The following ENAH variants were observed in gnomAD, a reference collection of about 807,000 sequenced individuals.
ENAH encodes the protein ENAH actin regulator, also known as protein enabled homolog.
Under a neutral mutation model 78.7 loss-of-function variants are expected in ENAH, and 23 were observed. The ratio of observed to expected loss-of-function variants is 0.29; its 90% CI spans 0.21 to 0.41. ENAH has a LOEUF of 0.41. Ranked by LOEUF, ENAH falls within the 10% of genes least tolerant of loss-of-function variation. The pLI is 1.00. For missense variants in ENAH, 544 were observed against 691.0 expected (o/e 0.79, Z 2.39); for synonymous variants, 226 against 241.0 (o/e 0.94, Z 0.58).
intron 1 of ENAH, among the ~76,000 whole-genome samples, chr1:225,570,321 G>A (rs1037926720): frequency 6.6e-6 from 1 of 152,138 alleles, no homozygotes; most frequent in South Asian, 2.1e-4. Flanking sequence ...CTTCTCACTA[G>A]AGACATCCTG....
chr1:225,583,533 G>T (rs991946052), intron 1 of ENAH, among the ~76,000 whole-genome samples: 1 of 151,668 alleles, frequency 6.6e-6, no homozygotes. Context: ...GCATTAGGCT[G>T]GGCGCAGTGG....
At chr1:225,548,422 A>G (rs1325416249) in intron 3 of ENAH, among the ~76,000 whole-genome samples, 2 of 152,238 alleles carry the variant, frequency 1.3e-5, no homozygotes, top group African/African-American at 4.8e-5. Flanking sequence ...AAATCACAAT[A>G]AAGACCTTAA....
intron 1 of ENAH, among the ~76,000 whole-genome samples, chr1:225,630,415 C>G (rs79870630): frequency 0.043 from 6,477 of 152,158 alleles, 222 homozygotes; most frequent in South Asian, 0.1. Flanking sequence ...TCATTTGGAA[C>G]AAAAGTACTT....
At chr1:225,591,015 G>A (rs978207998) in intron 1 of ENAH, among the ~76,000 whole-genome samples, 5 of 152,142 alleles carry the variant, frequency 3.3e-5, no homozygotes, top group African/African-American at 9.7e-5. Flanking sequence ...TTATTTTCAG[G>A]TGAACTATTA....
rs1008841985 is a variant in ENAH, at chr1:225,574,266, G to A, written c.6-6852C>T. Among the ~76,000 whole-genome samples, 7 of 152,030 alleles carry A rather than the reference G, an allele frequency of 4.6e-5. No homozygotes were observed. The South Asian group carries it at 6.2e-4, about 14-fold the overall frequency. On this transcript the variant is annotated intron_variant, in intron 1 of 13. Coordinates refer to ENST00000366843, the MANE Select transcript of ENAH (RefSeq NM_018212.6). The stretch of plus-strand genomic sequence containing the variant: ...AATATTGTTCACATTTATAACACAG[G>A]TCCTGGCATATAGTAAAAGTGGGCG...
At chr1:225,653,614 G>T (rs1381647571), upstream of ENAH, among the ~76,000 whole-genome samples, 1 of 152,050 alleles carries the variant, frequency 6.6e-6, no homozygotes, top group Non-Finnish European at 1.5e-5. This position sits in a 1 kb window ranked among gnomAD's most constrained non-coding sequence, Gnocchi z 4.3. Flanking sequence ...ACCGGCGTGG[G>T]GAGCTTGGAC....
rs200923180 is a variant in ENAH, at chr1:225,652,749, AG to A, written c.-60del. On this transcript the variant is annotated 5_prime_UTR_variant, in exon 1 of 14. Coordinates refer to ENST00000366843, the MANE Select transcript of ENAH (RefSeq NM_018212.6). ...GGGAGACGCAGAAGGCGCCGAGCCG[AG>A]GGGGGGGTCTCTCCTCCAGGGGTGG... 1.5e-3 allele frequency: 1,937 copies of A among 1,290,338 alleles called. 14 individuals are homozygous for A. The African/African-American group carries it at 0.017, about 12-fold the overall frequency. The allele number at this position is 1,290,338 out of a possible 1,614,324, so 79.9% of individuals were successfully genotyped here.
At chr1:225,559,293 T>C (rs1438906075) in intron 2 of ENAH, among the ~76,000 whole-genome samples, 1 of 152,220 alleles carries the variant, frequency 6.6e-6, no homozygotes, top group Non-Finnish European at 1.5e-5. Context: ...ATACACTTTG[T>C]ATGATTTTAA....
At chr1:225,643,533 T>C (rs1477300595) in intron 1 of ENAH, among the ~76,000 whole-genome samples, 1 of 152,106 alleles carries the variant, frequency 6.6e-6, no homozygotes, top group Non-Finnish European at 1.5e-5. Context: ...ACAAAAATAA[T>C]GGAACAAATC....
chr1:225,592,498 T>C (rs1408989746), intron 1 of ENAH, among the ~76,000 whole-genome samples: 3 of 152,242 alleles, frequency 2.0e-5, no homozygotes, highest in Non-Finnish European at 4.4e-5. Context: ...GAATCCGCGA[T>C]GTTTAGTACA....
At chr1:225,640,110 T>C (rs1382975213) in intron 1 of ENAH, among the ~76,000 whole-genome samples, 1 of 152,182 alleles carries the variant, frequency 6.6e-6, no homozygotes, top group Non-Finnish European at 1.5e-5. Context: ...ATGAAGCCCT[T>C]GAATATTTTG....
At chr1:225,621,348 A>C (rs2148257004) in intron 1 of ENAH, among the ~76,000 whole-genome samples, 1 of 149,124 alleles carries the variant, frequency 6.7e-6, no homozygotes, top group Non-Finnish European at 1.5e-5. Flanking sequence ...GCTGGAGTGC[A>C]GTGGCGGGAT....
chr1:225,503,577 T>TA (rs2096298402), intron 11 of ENAH, among the ~76,000 whole-genome samples: 1 of 136,096 alleles, frequency 7.3e-6, no homozygotes, highest in African/African-American at 2.8e-5. Flanking sequence ...CACCCAGCCT[T>TA]AAAAATCTCA....
At chr1:225,583,291 C>T (rs893327255) in intron 1 of ENAH, among the ~76,000 whole-genome samples, 5 of 151,668 alleles carry the variant, frequency 3.3e-5, no homozygotes, top group African/African-American at 9.7e-5. Context: ...CAAAAACTAG[C>T]CAGGCATGAT....
intron 1 of ENAH, among the ~76,000 whole-genome samples, chr1:225,612,429 CAG>C (rs1402803866): frequency 6.6e-6 from 1 of 152,056 alleles, no homozygotes; most frequent in African/African-American, 2.4e-5. Context: ...TGATGGGGAA[CAG>C]GGATTGGGAA....
At chr1:225,635,514 C>T (rs1659901784) in intron 1 of ENAH, among the ~76,000 whole-genome samples, 1 of 152,296 alleles carries the variant, frequency 6.6e-6, no homozygotes, top group South Asian at 2.1e-4. Flanking sequence ...ATGCATGTCT[C>T]CCTCTGTATC....
rs1575280362 is a variant in ENAH at position 225,496,583 on chromosome 1, A to G, written c.*1192T>C. ...CAGTGATCAAACTTTTGAGTTCCAC[A>G]GTTAAGATATTATGTGAAGCTCAGA... On this transcript the variant is annotated 3_prime_UTR_variant, in exon 14 of 14. Transcript: ENST00000366843. The G allele has an allele frequency of 6.5e-6, 1 of 152,698 alleles. No individual in the cohort carries two copies. The highest frequency in any genetic ancestry group is 1.5e-5 in the Non-Finnish European group (1 of 68,048). The allele number at this position is 152,698 out of a possible 1,614,324, so 9.5% of individuals were successfully genotyped here.
chr1:225,537,435 G>A (rs1354468054), intron 3 of ENAH, among the ~76,000 whole-genome samples: 1 of 152,108 alleles, frequency 6.6e-6, no homozygotes, highest in Non-Finnish European at 1.5e-5. Flanking sequence ...AATTCTGATA[G>A]GTTGCTTAAA....
intron 2 of ENAH, among the ~76,000 whole-genome samples, chr1:225,563,682 A>G (rs1255886376): frequency 6.6e-6 from 1 of 152,158 alleles, no homozygotes; most frequent in Non-Finnish European, 1.5e-5. Flanking sequence ...TGGTCTGCTA[A>G]TATCTTATTG....
Sources: gnomAD v4.1 joint callset for allele counts (sites outside exome capture counted in the v4.1 genomes callset) on GRCh38, gnomAD v4.1.1 for gene constraint, Gnocchi (gnomAD v3.1) non-coding constraint, MANE v1.5 for transcripts, NCBI Gene and HGNC (gene_info 2026-07-23, HGNC 2026-07-21) for gene names.